The following NREP variants were observed in gnomAD, a reference collection of about 807,000 sequenced individuals.
NREP encodes neuronal regeneration-related protein.
A neutral mutation model predicts 8.6 loss-of-function variants in NREP; 5 were observed. That is an observed-to-expected ratio of 0.58 (90% CI 0.30 to 1.22). The LOEUF is 1.22. Among genes scored for constraint, NREP ranks in the 50% most tolerant of loss-of-function variants. The pLI is 0.07. For synonymous variants in NREP, 27 were observed against 28.0 expected (o/e 0.96, Z 0.11); for missense variants, 86 against 82.5 (o/e 1.04, Z -0.17).
chr5:111,810,272 T>C (rs1752241254), intron 2 of NREP, among the ~76,000 whole-genome samples: 3 of 152,010 alleles, frequency 2.0e-5, no homozygotes. Flanking sequence ...GAGTGTGAGA[T>C]GGTTGGTAGC....
intron 2 of NREP, among the ~76,000 whole-genome samples, chr5:111,830,640 T>G (rs941682562): frequency 1.3e-5 from 2 of 152,148 alleles, no homozygotes; most frequent in Non-Finnish European, 2.9e-5. Context: ...TAAGAGAAGG[T>G]GTGATTAGGG....
chr5:111,754,474 G>A (rs1227655653), intron 2 of NREP, among the ~76,000 whole-genome samples: 1 of 152,198 alleles, frequency 6.6e-6, no homozygotes, highest in Non-Finnish European at 1.5e-5. Flanking sequence ...TGGAGGCAAG[G>A]TGATGTGGCC....
chr5:111,819,764 T>C (rs1196116602), intron 2 of NREP, among the ~76,000 whole-genome samples: 1 of 152,228 alleles, frequency 6.6e-6, no homozygotes, highest in Non-Finnish European at 1.5e-5. Flanking sequence ...AATAGCATTA[T>C]ATCTCAAGCC....
At chr5:111,934,735 G>C (rs941054011) in intron 2 of NREP, among the ~76,000 whole-genome samples, 1 of 152,106 alleles carries the variant, frequency 6.6e-6, no homozygotes, top group African/African-American at 2.4e-5. Flanking sequence ...GCCCAACACA[G>C]GATTATCCCA....
intron 2 of NREP, among the ~76,000 whole-genome samples, chr5:111,962,949 T>A (rs1330637735): frequency 2.0e-5 from 3 of 152,238 alleles, no homozygotes. Context: ...CCTTCAAGTG[T>A]CCATGCAACT....
chr5:111,807,616 T>TA (rs1303692732), intron 2 of NREP, among the ~76,000 whole-genome samples: 1 of 152,138 alleles, frequency 6.6e-6, no homozygotes, highest in Non-Finnish European at 1.5e-5. Context: ...ATTGAGATAC[T>TA]AGAGTGAAAG....
chr5:111,769,896 G>A (rs1751177375), intron 2 of NREP, among the ~76,000 whole-genome samples: 1 of 152,160 alleles, frequency 6.6e-6, no homozygotes. Context: ...AATTTGACTT[G>A]AGATCTGGGT....
At chr5:111,976,821 C>T in exon 1 of NREP, 1 of 1,086,918 alleles carries the variant, frequency 9.2e-7, no homozygotes, top group South Asian at 1.4e-5. Flanking sequence ...CCAGACAGCT[C>T]AGGACACAGC....
intron 2 of NREP, among the ~76,000 whole-genome samples, chr5:111,917,444 A>G (rs1755094533): frequency 6.6e-6 from 1 of 152,112 alleles, no homozygotes; most frequent in Non-Finnish European, 1.5e-5. Context: ...GCTGAACACC[A>G]ATGCAAAAAT....
chr5:111,865,332 G>T (rs1302174308), intron 2 of NREP, among the ~76,000 whole-genome samples: 2 of 152,132 alleles, frequency 1.3e-5, no homozygotes, highest in African/African-American at 4.8e-5. Context: ...TCCTCTTGCA[G>T]TACTACACAA....
intron 2 of NREP, among the ~76,000 whole-genome samples, chr5:111,939,558 G>A (rs1490626198): frequency 6.6e-6 from 1 of 151,998 alleles, no homozygotes; most frequent in East Asian, 1.9e-4. Flanking sequence ...TTAGCACAGT[G>A]TGGCAAAAAA....
At chr5:111,888,957 T>C (rs1754327355) in intron 2 of NREP, among the ~76,000 whole-genome samples, 2 of 152,160 alleles carry the variant, frequency 1.3e-5, no homozygotes, top group Admixed American at 1.3e-4. Context: ...CATAAATATA[T>C]AAAGACAGAA....
At chr5:111,946,435 G>T (rs763925428) in intron 2 of NREP, among the ~76,000 whole-genome samples, 1 of 151,908 alleles carries the variant, frequency 6.6e-6, no homozygotes, top group African/African-American at 2.4e-5. Flanking sequence ...AATATTGTTT[G>T]ATCTGAATAA....
intron 2 of NREP, among the ~76,000 whole-genome samples, chr5:111,874,267 C>G (rs1753854847): frequency 6.6e-6 from 1 of 152,156 alleles, no homozygotes; most frequent in Admixed American, 6.5e-5. Flanking sequence ...CTTGTATTAA[C>G]ACTGTATGTG....
intron 2 of NREP, among the ~76,000 whole-genome samples, chr5:111,882,778 A>G (rs1174260264): frequency 6.6e-6 from 1 of 152,198 alleles, no homozygotes; most frequent in Non-Finnish European, 1.5e-5. Flanking sequence ...GCAAATGCTG[A>G]GAGATTTTGT....
At chr5:111,841,721 T>C (rs1753035258) in intron 2 of NREP, among the ~76,000 whole-genome samples, 1 of 152,128 alleles carries the variant, frequency 6.6e-6, no homozygotes, top group Non-Finnish European at 1.5e-5. Flanking sequence ...GTATTTTTTC[T>C]TAGTGGGAGG....
chr5:111,972,494 T>C (rs1263031244), intron 2 of NREP, among the ~76,000 whole-genome samples: 1 of 152,232 alleles, frequency 6.6e-6, no homozygotes, highest in Non-Finnish European at 1.5e-5. Context: ...TGTCCATTCA[T>C]ATGATTTTAT....
At chr5:111,784,465 A>G (rs1351796946) in intron 2 of NREP, among the ~76,000 whole-genome samples, 1 of 152,206 alleles carries the variant, frequency 6.6e-6, no homozygotes, top group African/African-American at 2.4e-5. Flanking sequence ...ATTTAAGGTC[A>G]GGAAGTGGGC....
chr5:111,822,957 TA>T (rs1245821959), intron 2 of NREP, among the ~76,000 whole-genome samples: 1 of 152,254 alleles, frequency 6.6e-6, no homozygotes, highest in Non-Finnish European at 1.5e-5. Flanking sequence ...TATGTTGCTG[TA>T]AAGGAATACT....
Sources: allele counts gnomAD v4.1 joint callset (sites outside exome capture counted in the v4.1 genomes callset), GRCh38; gene constraint gnomAD v4.1.1; transcripts MANE v1.5; gene names NCBI Gene and HGNC (gene_info 2026-07-23, HGNC 2026-07-21).